Variants in ZNF677 observed in about 807,000 individuals in gnomAD.
ZNF677 encodes hypothetical protein MGC48625.
ZNF677 carries 5 observed loss-of-function variants against 8.1 expected under a neutral mutation model. The ratio of observed to expected loss-of-function variants is 0.62; its 90% CI spans 0.32 to 1.29. The LOEUF (loss-of-function observed/expected upper bound fraction) is 1.29. Among genes scored for constraint, ZNF677 ranks in the 50% most tolerant of loss-of-function variants. ZNF677 has a pLI of 0.05. For missense variants in ZNF677, 685 were observed against 685.9 expected (o/e 1.00, Z 0.01); for synonymous variants, 221 against 225.6 (o/e 0.98, Z 0.18).
Position 53,243,838 on chromosome 19 carries a change from C to G in ZNF677, c.75G>C (p.Leu25=). 1 of 1,613,860 alleles carries G rather than the reference C, an allele frequency of 6.2e-7. No homozygotes were observed. ...TGTACAAGGCCCTCTGGGCAGGGTC[C>G]AGGCACTCCCACTCCTCTTGAGAGA... ...IEFSQEEWEC[L]DPAQRALYRD... The change falls in exon 4 of 5, where the codon CTG becomes CTC. Residue 25 remains leucine, a synonymous_variant. Coordinates refer to ENST00000598513, the MANE Select transcript of ZNF677 (RefSeq NM_182609.4).
chr19:53,252,902 T>G (rs1397317785), intron 2 of ZNF677, among the ~76,000 whole-genome samples, 184 bp downstream of exon 2: 1 of 152,200 alleles, frequency 6.6e-6, no homozygotes, highest in African/African-American at 2.4e-5. Flanking sequence ...GTATAACTTT[T>G]GATTTCCCAA....
intron 3 of ZNF677, among the ~76,000 whole-genome samples, chr19:53,246,384 G>A (rs939020017): frequency 6.6e-6 from 1 of 151,548 alleles, no homozygotes; most frequent in Admixed American, 6.6e-5. Flanking sequence ...TTAAAATCAG[G>A]ATCTTGAAGA....
rs2090988410 is a variant in ZNF677, at chr19:53,237,721, T to A, written c.1006A>T (p.Ser336Cys). Reference sequence around the variant, plus strand: ...TCTCCAGTATGCATCCTCTGATGACTTGCAAGATTTGAATTTTGACTACAG... The same window carrying A: ...TCTCCAGTATGCATCCTCTGATGACATGCAAGATTTGAATTTTGACTACAG... The part of the protein sequence containing the change: ...KVCSQNSNLA[S>C]HQRMHTGEKP... Residue 336 changes from serine (S) to cysteine (C), a missense_variant, in exon 5 of 5, where the codon AGT (serine) becomes TGT (cysteine). Transcript: ENST00000598513. 2 of 1,613,734 alleles carry A rather than the reference T, an allele frequency of 1.2e-6. No homozygotes were observed. The highest frequency in any genetic ancestry group is 3.3e-5 in the Admixed American group (2 of 59,990).
intron 4 of ZNF677, chr19:53,239,034 A>C (rs2091008547): frequency 6.6e-6 from 1 of 152,472 alleles, no homozygotes; most frequent in East Asian, 1.9e-4. Context: ...CACTGAAAGA[A>C]AAAATTCGGA....
intron 3 of ZNF677, among the ~76,000 whole-genome samples, chr19:53,246,704 T>G (rs951251176): frequency 6.6e-6 from 1 of 151,942 alleles, no homozygotes; most frequent in South Asian, 2.1e-4. Context: ...AAACAGAGAA[T>G]AGAATGGTGG....
Position 53,237,192 on chromosome 19 carries a change from T to C in ZNF677, c.1535A>G (p.Glu512Gly), listed in dbSNP as rs2146928607. 1 of 1,612,750 alleles carries C rather than the reference T, an allele frequency of 6.2e-7. No homozygotes were observed. Among genetic ancestry groups the C allele is most frequent in the African/African-American group, 1.3e-5 (1 of 75,042 alleles). The change falls in exon 5 of 5, where the codon GAG (glutamate) becomes GGG (glycine). Residue 512 changes from glutamate to glycine, a missense_variant. Coordinates refer to ENST00000598513, the MANE Select transcript of ZNF677 (RefSeq NM_182609.4). ...LTQHKKIHTG[E>G]KPYKCTECGK... is the part of the protein sequence containing the mutation. ...ACATTCAGTACATTTGTAAGGTTTC[T>C]CTCCAGTATGGATTTTCTTATGCTG... is the stretch of plus-strand genomic sequence containing the variant.
intron 4 of ZNF677, chr19:53,243,049 T>G (rs1384692876): frequency 6.6e-6 from 1 of 152,444 alleles, no homozygotes; most frequent in Admixed American, 6.5e-5. Flanking sequence ...AATAAACTTT[T>G]GTTTTCCCAC....
chr19:53,247,607 T>C (rs1016180011), intron 3 of ZNF677, among the ~76,000 whole-genome samples: 5 of 152,192 alleles, frequency 3.3e-5, no homozygotes, highest in African/African-American at 1.2e-4. Context: ...CCAACTATTA[T>C]AGCAGGACTG....
chr19:53,237,019 GT>G lies in ZNF677; in HGVS notation c.1707del (p.Lys569AsnfsTer44), dbSNP rs2090977980. The G allele has an allele frequency of 5.6e-6, 9 of 1,595,336 alleles. No homozygotes were observed. The highest frequency in any genetic ancestry group is 7.7e-6 in the Non-Finnish European group (9 of 1,173,316). On this transcript the variant is annotated frameshift_variant, in exon 5 of 5. Coordinates refer to ENST00000598513, the MANE Select transcript of ZNF677 (RefSeq NM_182609.4). LOFTEE classifies it low-confidence loss of function (END_TRUNC). ...ATTTTTGTCTCATTATATTTGATAT[GT>G]TTTTCTCTATTATAACTTTTTTGAT... Reference protein sequence around the residue: ...GDHQKSYNREKHIKYNETKIK... With the variant: ...GDHQKSYNREXHIKYNETKIK...
At chr19:53,250,894 TGA>T (rs2091224114) in intron 3 of ZNF677, among the ~76,000 whole-genome samples, 1 of 152,152 alleles carries the variant, frequency 6.6e-6, no homozygotes. Context: ...AGAGTCTTCA[TGA>T]GATGGATGCA....
chr19:53,247,417 T>C (rs575319565), intron 3 of ZNF677, among the ~76,000 whole-genome samples: 108 of 152,030 alleles, frequency 7.1e-4, no homozygotes, highest in African/African-American at 2.6e-3. Flanking sequence ...AAAAATCTCA[T>C]GTTTTAAGAA....
intron 3 of ZNF677, chr19:53,249,503 ATACAG>A (rs1177445886): frequency 6.6e-6 from 1 of 152,260 alleles, no homozygotes; most frequent in Non-Finnish European, 1.5e-5. Context: ...AAACAAAGAC[ATACAG>A]TATACAAATA....
At chr19:53,252,412 T>C (rs2091249116) in intron 2 of ZNF677, among the ~76,000 whole-genome samples, 1 of 152,206 alleles carries the variant, frequency 6.6e-6, no homozygotes, top group East Asian at 1.9e-4. Flanking sequence ...GGAAAAGGTC[T>C]GAGTTGAGTG....
chr19:53,247,411 AT>A (rs1266796834), intron 3 of ZNF677, among the ~76,000 whole-genome samples: 1 of 152,152 alleles, frequency 6.6e-6, no homozygotes, highest in East Asian at 1.9e-4. Context: ...TCACAAAAAA[AT>A]CTCATGTTTT....
At chr19:53,238,734 C>A in intron 4 of ZNF677, 177 bp from the exon 5 acceptor site, 1 of 504,712 alleles carries the variant, frequency 2.0e-6, no homozygotes, top group South Asian at 3.8e-5. Context: ...AATAAAGTAA[C>A]ACAGTAACAA....
intron 3 of ZNF677, among the ~76,000 whole-genome samples, chr19:53,248,537 G>A (rs2091183346): frequency 6.6e-6 from 1 of 152,132 alleles, no homozygotes; most frequent in African/African-American, 2.4e-5. Context: ...TTTATCTGGG[G>A]ATCTCAATTT....
rs1300249455 is a variant in ZNF677, at chr19:53,236,717, CTGTTA to C, written c.*250_*254del. The C allele has an allele frequency of 7.1e-6, 2 of 281,396 alleles. No individual in the cohort carries two copies. The highest frequency in any genetic ancestry group is 2.2e-5 in the African/African-American group (1 of 45,618). The allele number at this position is 281,396 out of a possible 1,614,324, so 17.4% of individuals were successfully genotyped here. A position where few individuals can be genotyped will look rare whatever the true frequency, so the allele number is the denominator to read the frequency against. On this transcript the variant is annotated 3_prime_UTR_variant, in exon 5 of 5. Transcript: ENST00000598513. ...GTATGGTTTCCATCCTGAATGTCTTCTGTTATAACCATAATAGGGTAAATATTTTT... is the reference window on the plus strand; with the variant it reads ...GTATGGTTTCCATCCTGAATGTCTTCTAACCATAATAGGGTAAATATTTTT...
intron 2 of ZNF677, among the ~76,000 whole-genome samples, chr19:53,252,631 A>AG (rs1329905048): frequency 7.2e-5 from 11 of 152,236 alleles, no homozygotes; most frequent in Admixed American, 7.2e-4. Context: ...AAAGCATGAA[A>AG]GGGGGTCAGC....
At chr19:53,242,077 A>T (rs1431146077) in intron 4 of ZNF677, 1 of 394,632 alleles carries the variant, frequency 2.5e-6, no homozygotes, top group East Asian at 3.6e-5. Context: ...TATTACAGGC[A>T]TGCGCCAACA....
Sources: gnomAD v4.1 joint callset for allele counts (sites outside exome capture counted in the v4.1 genomes callset) on GRCh38, gnomAD v4.1.1 for gene constraint, MANE v1.5 for transcripts, NCBI Gene and HGNC (gene_info 2026-07-23, HGNC 2026-07-21) for gene names.